Variants in DUS1L observed in about 807,000 individuals in gnomAD.
DUS1L encodes the protein tRNA-dihydrouridine(16/17) synthase [NAD(P)(+)]-like.
In DUS1L, 56 loss-of-function variants were observed where a neutral mutation model predicts 61.2. That is an observed-to-expected ratio of 0.92 (90% CI 0.74 to 1.14). The LOEUF (loss-of-function observed/expected upper bound fraction) is 1.14, where lower values mean the gene tolerates loss of function less well. DUS1L is among the 50% of genes most tolerant of loss of function. The pLI, the probability that DUS1L is intolerant of heterozygous loss-of-function variation, is 0.00. For missense variants in DUS1L, 630 were observed against 632.4 expected (o/e 1.00, Z 0.04); for synonymous variants, 278 against 259.5 (o/e 1.07, Z -0.69).
chr17:82,058,550 C>G (rs2033206251), intron 12 of DUS1L, 134 bp from the exon 13 acceptor site: 1 of 1,455,826 alleles, frequency 6.9e-7, no homozygotes, highest in Non-Finnish European at 9.0e-7. Context: ...GAACTGCTCC[C>G]AAGCCAGATG....
chr17:82,062,023 TTCCGCCCCTCAGAGCCCCC>T (rs750828347), intron 5 of DUS1L, 40 bp from the exon 6 acceptor site: 74 of 1,518,820 alleles, frequency 4.9e-5, no homozygotes, highest in Admixed American at 5.7e-5. Context: ...TCCAAGCCCC[TTCCGCCCCTCAGAGCCCCC>T]TCCGCCCCTC....
Position 82,060,101 on chromosome 17 carries a change from GA to G in DUS1L, c.1023-9del. The G allele has an allele frequency of 6.2e-7, 1 of 1,611,440 alleles. No homozygotes were observed. Among genetic ancestry groups the G allele is most frequent in the Non-Finnish European group, 8.5e-7 (1 of 1,179,260 alleles). On this transcript the variant is annotated splice_polypyrimidine_tract_variant and intron_variant, in intron 10 of 13. Transcript: ENST00000306796. ...TTGCTCCCCTCCCTGGGCCTGAGGG[GA>G]GGGCAGCGGGCAGAGCCCAAGGACA...
Position 82,060,102 on chromosome 17 carries a change from A to C in DUS1L, c.1023-9T>G. 3 of 1,611,082 alleles carry C rather than the reference A, an allele frequency of 1.9e-6. No individual in the cohort carries two copies. The highest frequency in any genetic ancestry group is 2.5e-6 in the Non-Finnish European group (3 of 1,179,168). On this transcript the variant is annotated splice_polypyrimidine_tract_variant and intron_variant, in intron 10 of 13. Coordinates refer to ENST00000306796, the MANE Select transcript of DUS1L (RefSeq NM_022156.5). ...TGCTCCCCTCCCTGGGCCTGAGGGG[A>C]GGGCAGCGGGCAGAGCCCAAGGACA... is the stretch of plus-strand genomic sequence containing the variant.
In DUS1L at chr17:82,064,054, C is replaced by G. The variant is rs1406888353; in HGVS notation, c.346+72G>C. The stretch of plus-strand genomic sequence containing the variant: ...CAGGGCCTGCCGTCCTCCAAGCTCA[C>G]CACACCTGGGGCTGCACTGAGCTGG... On this transcript the variant is annotated intron_variant, in intron 3 of 13. Coordinates refer to ENST00000306796, the MANE Select transcript of DUS1L (RefSeq NM_022156.5). 2.2e-6 allele frequency: 3 copies of G among 1,383,034 alleles called. No homozygotes were observed. In the African/African-American group the frequency reaches 4.3e-5, roughly 20 times the overall value. 85.7% of individuals were successfully genotyped at this position (1,383,034 alleles called of 1,614,324 possible).
intron 3 of DUS1L, 70 bp downstream of exon 3, chr17:82,064,056 A>G: frequency 1.4e-6 from 2 of 1,391,314 alleles, no homozygotes; most frequent in South Asian, 1.2e-5. Flanking sequence ...CAAGCTCACC[A>G]CACCTGGGGC....
chr17:82,062,755 T>A (rs929876141), intron 5 of DUS1L, 106 bp downstream of exon 5: 7 of 1,005,602 alleles, frequency 7.0e-6, no homozygotes, highest in Non-Finnish European at 1.0e-5. Context: ...ACTGCCCCCA[T>A]GAGGCCGACG....
intron 11 of DUS1L, 86 bp from the exon 12 acceptor site, chr17:82,058,904 G>T: frequency 1.6e-6 from 2 of 1,273,594 alleles, no homozygotes; most frequent in Non-Finnish European, 2.3e-6. Context: ...CACGGAGCCT[G>T]CTGATGGCGT....
chr17:82,058,458 C>T (rs766551972), intron 12 of DUS1L, 42 bp from the exon 13 acceptor site: 22 of 1,478,164 alleles, frequency 1.5e-5, no homozygotes, highest in Non-Finnish European at 2.0e-5. Flanking sequence ...CAGCACCACT[C>T]CCGGGGCCAG....
chr17:82,064,839 C>T lies in DUS1L; in HGVS notation c.221G>A (p.Arg74Gln), dbSNP rs765210247. 1.2e-6 allele frequency: 2 copies of T among 1,610,382 alleles called. No homozygotes were observed. Among genetic ancestry groups the T allele is most frequent in the African/African-American group, 1.3e-5 (1 of 75,026 alleles). The part of the protein sequence containing the change: ...NLYCEVCPED[R>Q]PLIVQFCAND... The stretch of plus-strand genomic sequence containing the variant: ...CCTGCGCACCTGCACGATGAGGGGC[C>T]GGTCCTCGGGGCACACCTCGCAGTA... The change falls in exon 2 of 14, where the codon CGG (arginine) becomes CAG (glutamine). Residue 74 changes from arginine to glutamine, a missense_variant. Transcript: ENST00000306796.
Position 82,060,700 on chromosome 17 carries a change from C to A in DUS1L, c.1022+1G>T, listed in dbSNP as rs1598552866. ...CCGCCCAGGGCTGGCTGGGCTCTCA[C>A]CCCGGCCGGATGTAGGGCTGGCAGA... On this transcript the variant is annotated splice_donor_variant, in intron 10 of 13. Transcript: ENST00000306796. LOFTEE classifies it high-confidence loss of function. 2 of 1,612,406 alleles carry A rather than the reference C, an allele frequency of 1.2e-6. No individual in the cohort carries two copies. The highest frequency in any genetic ancestry group is 1.7e-6 in the Non-Finnish European group (2 of 1,179,730).
intron 7 of DUS1L, 44 bp from the exon 8 acceptor site, chr17:82,061,397 A>G (rs779852456): frequency 1.4e-5 from 21 of 1,542,328 alleles, no homozygotes; most frequent in Non-Finnish European, 1.5e-5. Context: ...GGGTTGCTCC[A>G]GGTGGACGGC....
chr17:82,061,538 G>A, intron 7 of DUS1L, 80 bp downstream of exon 7: 1 of 1,475,178 alleles, frequency 6.8e-7, no homozygotes, highest in Non-Finnish European at 9.3e-7. Context: ...GAGGGCAGTA[G>A]GCAGTGGGAG....
At chr17:82,062,018 GC>G in intron 5 of DUS1L, 35 bp from the exon 6 acceptor site, 1 of 1,530,890 alleles carries the variant, frequency 6.5e-7, no homozygotes, top group South Asian at 1.2e-5. Flanking sequence ...ACCCCTCCAA[GC>G]CCCTTCCGCC....
At chr17:82,062,288 C>G (rs981949864) in intron 5 of DUS1L, among the ~76,000 whole-genome samples, 1 of 152,198 alleles carries the variant, frequency 6.6e-6, no homozygotes, top group Non-Finnish European at 1.5e-5. Context: ...TCCCCACTGC[C>G]CAAGGCCAAA....
rs771011597 is a variant in DUS1L at position 82,064,844 on chromosome 17, C to T, written c.216G>A (p.Glu72=). ...GCACCTGCACGATGAGGGGCCGGTC[C>T]TCGGGGCACACCTCGCAGTACAGGT... ...KENLYCEVCP[E]DRPLIVQFCA... Residue 72 remains glutamate, a synonymous_variant, in exon 2 of 14, where the codon GAG becomes GAA. Transcript: ENST00000306796. 1 of 1,611,172 alleles carries T rather than the reference C, an allele frequency of 6.2e-7. No individual in the cohort carries two copies. Among genetic ancestry groups the T allele is most frequent in the African/African-American group, 1.3e-5 (1 of 74,918 alleles).
intron 3 of DUS1L, 75 bp downstream of exon 3, chr17:82,064,051 T>C: frequency 6.7e-6 from 9 of 1,348,812 alleles, no homozygotes; most frequent in Non-Finnish European, 9.3e-6. Context: ...TCCTCCAAGC[T>C]CACCACACCT....
chr17:82,064,756 G>A (rs1178312506), intron 2 of DUS1L, 67 bp downstream of exon 2: 2 of 1,461,220 alleles, frequency 1.4e-6, no homozygotes, highest in East Asian at 2.3e-5. Context: ...AGAGAGAAGG[G>A]TTTTTCCCCA....
In DUS1L at chr17:82,063,664, G is replaced by A. The variant is rs549160833; in HGVS notation, c.347-146C>T. Reference sequence around the variant, plus strand: ...GACACAGGTCCCCAGAACCAGCAGTGTCTCCAGTTGGGGCAGTGGGACAGT... The same window carrying A: ...GACACAGGTCCCCAGAACCAGCAGTATCTCCAGTTGGGGCAGTGGGACAGT... On this transcript the variant is annotated intron_variant, in intron 3 of 13. Transcript: ENST00000306796. 1.4e-5 allele frequency: 13 copies of A among 916,496 alleles called. No homozygotes were observed. In the African/African-American group the frequency reaches 2.0e-4, roughly 14 times the overall value. The allele number at this position is 916,496 out of a possible 1,614,324, so 56.8% of individuals were successfully genotyped here.
At chr17:82,065,243 C>T in intron 1 of DUS1L, 174 bp from the exon 2 acceptor site, 3 of 583,022 alleles carry the variant, frequency 5.1e-6, no homozygotes, top group Non-Finnish European at 8.9e-6. Flanking sequence ...CCAGTGCCGC[C>T]ACCTCCTAGC....
Sources: gnomAD v4.1 joint callset for allele counts (sites outside exome capture counted in the v4.1 genomes callset) on GRCh38, gnomAD v4.1.1 for gene constraint, MANE v1.5 for transcripts, NCBI Gene and HGNC (gene_info 2026-07-23, HGNC 2026-07-21) for gene names.